Variants in SLC35F3 observed in about 807,000 individuals in gnomAD.
SLC35F3 encodes solute carrier family 35 member F3.
A neutral mutation model predicts 49.9 loss-of-function variants in SLC35F3; 25 were observed. The observed-to-expected ratio is 0.50, with a 90% CI of 0.37 to 0.70. SLC35F3 has a LOEUF of 0.70. Among genes scored for constraint, SLC35F3 ranks in the 30% least tolerant of loss-of-function variants. SLC35F3 has a pLI of 0.00. For missense variants in SLC35F3, 525 were observed against 639.8 expected, an observed-to-expected ratio of 0.82 and a Z score of 1.94; for synonymous variants, 275 against 265.4, an observed-to-expected ratio of 1.04 and a Z score of -0.35.
At chr1:233,932,899 A>T (rs893455238) in intron 2 of SLC35F3, among the ~76,000 whole-genome samples, 2 of 152,132 alleles carry the variant, frequency 1.3e-5, no homozygotes, top group African/African-American at 4.8e-5. Flanking sequence ...AGCACATCTT[A>T]TTTTCCCTTT....
At chr1:233,941,963 T>TG (rs58576140) in intron 2 of SLC35F3, among the ~76,000 whole-genome samples, 27,291 of 91,002 alleles carry the variant, frequency 0.3, 2,669 homozygotes, top group Admixed American at 0.41. Context: ...TGTTTTTTTG[T>TG]TTTTTTTTTT....
chr1:234,298,517 G>T (rs1338710942), intron 3 of SLC35F3, among the ~76,000 whole-genome samples: 2 of 152,206 alleles, frequency 1.3e-5, no homozygotes, highest in South Asian at 2.1e-4. Context: ...AGTGCCCTAG[G>T]TGTTAATGGC....
chr1:234,237,273 G>A (rs1298581230), intron 3 of SLC35F3, among the ~76,000 whole-genome samples: 1 of 152,110 alleles, frequency 6.6e-6, no homozygotes, highest in Non-Finnish European at 1.5e-5. Flanking sequence ...GGGACAGGAT[G>A]CCTAGTTCCT....
chr1:234,221,445 G>C (rs1667202783), intron 2 of SLC35F3, among the ~76,000 whole-genome samples: 1 of 152,200 alleles, frequency 6.6e-6, no homozygotes, highest in Non-Finnish European at 1.5e-5. Context: ...AAAAGGAACA[G>C]AGAAAGCTTA....
chr1:234,302,681 C>T (rs376038595), intron 3 of SLC35F3, among the ~76,000 whole-genome samples: 3 of 152,080 alleles, frequency 2.0e-5, no homozygotes, highest in African/African-American at 4.8e-5. Context: ...GGTTTGGCTC[C>T]GCTACTAACA....
chr1:233,983,663 G>C (rs936749605), intron 2 of SLC35F3, among the ~76,000 whole-genome samples: 1 of 152,180 alleles, frequency 6.6e-6, no homozygotes, highest in Admixed American at 6.5e-5. Flanking sequence ...ATCATTACCA[G>C]CTAGCTCCTT....
intron 2 of SLC35F3, among the ~76,000 whole-genome samples, chr1:233,998,169 A>T (rs1451692534): frequency 6.6e-6 from 1 of 152,134 alleles, no homozygotes; most frequent in Non-Finnish European, 1.5e-5. Flanking sequence ...GTCTCATACT[A>T]TAAGCAAATA....
At chr1:234,084,976 G>A (rs1664940134) in intron 2 of SLC35F3, among the ~76,000 whole-genome samples, 1 of 152,224 alleles carries the variant, frequency 6.6e-6, no homozygotes, top group Non-Finnish European at 1.5e-5. Context: ...AAGTACTGAT[G>A]TGTGCTTTAA....
chr1:233,978,972 G>C (rs964846572), intron 2 of SLC35F3, among the ~76,000 whole-genome samples: 3 of 151,630 alleles, frequency 2.0e-5, no homozygotes, highest in African/African-American at 7.3e-5. Flanking sequence ...GGAGGCAGAG[G>C]TTGCAGTGAG....
chr1:234,163,403 G>A (rs770673121), intron 2 of SLC35F3, among the ~76,000 whole-genome samples: 14 of 152,176 alleles, frequency 9.2e-5, no homozygotes, highest in Non-Finnish European at 2.1e-4. Flanking sequence ...ATGGGACAGA[G>A]GAAGGCGGAG....
intron 2 of SLC35F3, among the ~76,000 whole-genome samples, chr1:233,914,489 C>T (rs910748114): frequency 6.6e-6 from 1 of 152,200 alleles, no homozygotes; most frequent in Non-Finnish European, 1.5e-5. Flanking sequence ...GCTAAGTGAG[C>T]AGAAACCAGG....
intron 2 of SLC35F3, among the ~76,000 whole-genome samples, chr1:234,174,982 G>A (rs57663856): frequency 2.6e-4 from 40 of 152,334 alleles, no homozygotes; most frequent in African/African-American, 8.9e-4. Context: ...GGTGGAAGGC[G>A]TCTTGTCATC....
At chr1:233,931,627 A>G (rs2102793763) in intron 2 of SLC35F3, among the ~76,000 whole-genome samples, 1 of 152,346 alleles carries the variant, frequency 6.6e-6, no homozygotes, top group East Asian at 1.9e-4. Context: ...GGCGGTCATT[A>G]AAAAGTCAGG....
chr1:233,971,774 A>G (rs542298314), intron 2 of SLC35F3, among the ~76,000 whole-genome samples: 2 of 151,378 alleles, frequency 1.3e-5, no homozygotes, highest in South Asian at 2.1e-4. Flanking sequence ...TGTGGTCAAC[A>G]ATGGGACCAC....
chr1:234,293,848 T>G (rs1030029807), intron 3 of SLC35F3, among the ~76,000 whole-genome samples: 1 of 152,236 alleles, frequency 6.6e-6, no homozygotes, highest in African/African-American at 2.4e-5. Flanking sequence ...TAATTTCAAC[T>G]TTCATAAAAC....
chr1:234,127,434 T>C (rs1206807879), intron 2 of SLC35F3, among the ~76,000 whole-genome samples: 1 of 152,240 alleles, frequency 6.6e-6, no homozygotes, highest in African/African-American at 2.4e-5. Flanking sequence ...GTTCAATGCC[T>C]CTTACATCGT....
intron 2 of SLC35F3, among the ~76,000 whole-genome samples, chr1:234,135,300 T>G (rs1018934683): frequency 3.3e-5 from 5 of 152,234 alleles, no homozygotes; most frequent in African/African-American, 4.8e-5. Context: ...GTGACTGTTA[T>G]GTATTGTATG....
At chr1:234,199,564 CT>C (rs1666870821) in intron 2 of SLC35F3, among the ~76,000 whole-genome samples, 2 of 152,178 alleles carry the variant, frequency 1.3e-5, no homozygotes, top group African/African-American at 4.8e-5. Flanking sequence ...AGGAGAAAGA[CT>C]TTGTGACATT....
intron 2 of SLC35F3, among the ~76,000 whole-genome samples, chr1:234,002,153 T>G (rs9435492): frequency 6.6e-6 from 1 of 151,966 alleles, no homozygotes; most frequent in Non-Finnish European, 1.5e-5. Flanking sequence ...GATTTACAGA[T>G]CAATTGTGAA....
Sources: allele counts gnomAD v4.1 joint callset (sites outside exome capture counted in the v4.1 genomes callset), GRCh38; gene constraint gnomAD v4.1.1; transcripts MANE v1.5; gene names NCBI Gene and HGNC (gene_info 2026-07-23, HGNC 2026-07-21).